Variants in ZMYM2 observed in about 807,000 individuals in gnomAD.
The protein encoded by ZMYM2 is zinc finger MYM-type protein 2.
A neutral mutation model predicts 162.8 loss-of-function variants in ZMYM2; 56 were observed. That is an observed-to-expected ratio of 0.34 (90% CI 0.28 to 0.43). ZMYM2 has a LOEUF of 0.43. ZMYM2 is among the 20% of genes least tolerant of loss of function. The pLI is 1.00. For missense variants in ZMYM2, 1,275 were observed against 1,621.8 expected (o/e 0.79, Z 3.67); for synonymous variants, 510 against 541.6 (o/e 0.94, Z 0.81).
chr13:19,920,129 T>G, the ZMYM2 span, among the ~76,000 whole-genome samples: 3 of 152,172 alleles, frequency 2.0e-5, no homozygotes, highest in Non-Finnish European at 4.4e-5. Context: ...TTTAAAGTTA[T>G]GTATCTATGT....
At chr13:20,081,896 T>C (rs1957934879) in intron 21 of ZMYM2, 120 bp from the exon 22 acceptor site, 1 of 549,120 alleles carries the variant, frequency 1.8e-6, no homozygotes, top group African/African-American at 2.0e-5. Flanking sequence ...CATGTTTTAG[T>C]ATGCATTTCA....
At chr13:19,951,065 T>G in the ZMYM2 span, among the ~76,000 whole-genome samples, 1 of 152,194 alleles carries the variant, frequency 6.6e-6, no homozygotes, top group Non-Finnish European at 1.5e-5. Flanking sequence ...ATCATTAGTG[T>G]ATTTTATGTG....
At chr13:19,900,394 A>T in the ZMYM2 span, among the ~76,000 whole-genome samples, 962 of 152,316 alleles carry the variant, frequency 6.3e-3, 16 homozygotes, top group African/African-American at 0.021. Flanking sequence ...ATGAATCATA[A>T]CAAAATAGCG....
chr13:20,061,368 T>TG, intron 17 of ZMYM2, 144 bp downstream of exon 17: 1 of 644,212 alleles, frequency 1.6e-6, no homozygotes, highest in South Asian at 3.1e-5. Flanking sequence ...GTTTTTTATA[T>TG]TAAGAGATCT....
At position 19,968,138 on chromosome 13, in the gene ZMYM2, C is replaced by A. The variant is rs1266575689; in HGVS notation, c.-11+8112C>A. Among the ~76,000 whole-genome samples the A allele has an allele frequency of 5.9e-5, 9 of 152,336 alleles. No homozygotes were observed. In the South Asian group the frequency reaches 1.7e-3, roughly 28 times the overall value. ...GTCGCTAGTGACCTAATTGCCAAATCTTTTAACTGCTTCTTTTTGTCTTAA... is the reference window on the plus strand; with the variant it reads ...GTCGCTAGTGACCTAATTGCCAAATATTTTAACTGCTTCTTTTTGTCTTAA... On this transcript the variant is annotated intron_variant, in intron 2 of 24. Transcript: ENST00000610343.
upstream of ZMYM2, among the ~76,000 whole-genome samples, chr13:19,955,061 C>T (rs1954479624): frequency 1.3e-5 from 2 of 152,024 alleles, no homozygotes; most frequent in Non-Finnish European, 2.9e-5. Context: ...ATCCACCTGC[C>T]TTGGCCTCCC....
the ZMYM2 span, among the ~76,000 whole-genome samples, chr13:19,890,505 T>A: frequency 5.1e-5 from 5 of 98,458 alleles, no homozygotes; most frequent in African/African-American, 1.3e-4. Context: ...AGTGCTTTTG[T>A]AAAAAAAAAA....
chr13:19,887,476 C>T, the ZMYM2 span, among the ~76,000 whole-genome samples: 2 of 151,276 alleles, frequency 1.3e-5, no homozygotes, highest in Admixed American at 6.6e-5. Context: ...TTGCAGTGAG[C>T]CGAGATAGTG....
At chr13:20,014,135 G>A (rs930489133) in intron 6 of ZMYM2, among the ~76,000 whole-genome samples, 7 of 151,904 alleles carry the variant, frequency 4.6e-5, no homozygotes, top group East Asian at 1.9e-4. Context: ...GTGCAGTGGC[G>A]TGATCTTGGC....
chr13:20,077,701 T>C (rs1957604293), intron 21 of ZMYM2, among the ~76,000 whole-genome samples: 1 of 152,102 alleles, frequency 6.6e-6, no homozygotes, highest in Non-Finnish European at 1.5e-5. Context: ...CTGGAATGTA[T>C]AATGTGAAGT....
chr13:19,891,318 CA>C, the ZMYM2 span, among the ~76,000 whole-genome samples: 2 of 151,860 alleles, frequency 1.3e-5, no homozygotes, highest in Non-Finnish European at 2.9e-5. Flanking sequence ...AGAATGGCCT[CA>C]CCAGATATCA....
At chr13:19,909,360 A>G in the ZMYM2 span, among the ~76,000 whole-genome samples, 1 of 151,906 alleles carries the variant, frequency 6.6e-6, no homozygotes, top group African/African-American at 2.4e-5. Flanking sequence ...AAAGAAAACC[A>G]GTAACTTTCC....
intron 14 of ZMYM2, among the ~76,000 whole-genome samples, chr13:20,056,719 A>G (rs1367885956): frequency 6.6e-6 from 1 of 150,854 alleles, no homozygotes; most frequent in African/African-American, 2.5e-5. Flanking sequence ...AATGTGCATC[A>G]CACAGCAAAT....
chr13:19,985,195 C>G (rs1490888610), intron 2 of ZMYM2, among the ~76,000 whole-genome samples: 1 of 152,176 alleles, frequency 6.6e-6, no homozygotes, highest in Non-Finnish European at 1.5e-5. Flanking sequence ...ATGATCTCTG[C>G]TTACAGCAAC....
At chr13:19,871,835 T>C in the ZMYM2 span, among the ~76,000 whole-genome samples, 1 of 152,202 alleles carries the variant, frequency 6.6e-6, no homozygotes, top group African/African-American at 2.4e-5. Flanking sequence ...GAATGGATCA[T>C]GTACACATGG....
intron 3 of ZMYM2, among the ~76,000 whole-genome samples, chr13:19,996,649 G>A (rs1303413398): frequency 6.6e-6 from 1 of 151,976 alleles, no homozygotes. Context: ...CCTGGGAGGC[G>A]GAGGTTGCAG....
the ZMYM2 span, among the ~76,000 whole-genome samples, chr13:19,923,466 T>C: frequency 2.0e-5 from 3 of 151,012 alleles, no homozygotes; most frequent in East Asian, 3.9e-4. Flanking sequence ...TTTTCTACAA[T>C]GTATCAAAGC....
the ZMYM2 span, among the ~76,000 whole-genome samples, chr13:19,920,338 A>T: frequency 1.3e-5 from 2 of 152,162 alleles, no homozygotes. Flanking sequence ...GCTCTAAGGC[A>T]GTACAGAAAC....
chr13:19,878,756 G>A, the ZMYM2 span, among the ~76,000 whole-genome samples: 1 of 151,980 alleles, frequency 6.6e-6, no homozygotes, highest in Non-Finnish European at 1.5e-5. Flanking sequence ...TCCTGACATC[G>A]GGTGATCCAC....
Sources: allele counts gnomAD v4.1 joint callset (sites outside exome capture counted in the v4.1 genomes callset), GRCh38; gene constraint gnomAD v4.1.1; transcripts MANE v1.5; gene names NCBI Gene and HGNC (gene_info 2026-07-23, HGNC 2026-07-21).